The following GSE1 variants were observed in gnomAD, a reference collection of about 807,000 sequenced individuals.
GSE1 encodes genetic suppressor element 1.
A neutral mutation model predicts 112.6 loss-of-function variants in GSE1; 32 were observed. The ratio of observed to expected loss-of-function variants is 0.28; its 90% CI spans 0.21 to 0.38. GSE1 has a LOEUF of 0.38. Among genes scored for constraint, GSE1 ranks in the 10% least tolerant of loss-of-function variants. The probability of loss-of-function intolerance (pLI) is 1.00; values close to 1 mark genes in which losing one functional copy is unlikely to be tolerated. For missense variants in GSE1, 2,348 were observed against 1,699.2 expected (o/e 1.38, Z -6.71); for synonymous variants, 1,115 against 735.6 (o/e 1.52, Z -8.35).
At chr16:85,271,320 C>G (rs565836491) in intron 1 of GSE1, among the ~76,000 whole-genome samples, 136 of 152,310 alleles carry the variant, frequency 8.9e-4, no homozygotes, top group African/African-American at 3.1e-3. Flanking sequence ...CCCTCTTCCC[C>G]GCGCTCCTGC....
chr16:85,658,436 A>T (rs968093523), intron 8 of GSE1, among the ~76,000 whole-genome samples: 1 of 152,226 alleles, frequency 6.6e-6, no homozygotes, highest in African/African-American at 2.4e-5. Flanking sequence ...ATTTCTGAGC[A>T]TCTTTCCAGC....
intron 2 of GSE1, among the ~76,000 whole-genome samples, chr16:85,538,776 T>G: frequency 6.6e-6 from 1 of 152,186 alleles, no homozygotes; most frequent in East Asian, 1.9e-4. Context: ...ACTGCCGCTC[T>G]CTGGACACCC....
chr16:85,467,168 C>A (rs143319734), intron 2 of GSE1, among the ~76,000 whole-genome samples: 24 of 152,316 alleles, frequency 1.6e-4, no homozygotes, highest in African/African-American at 5.8e-4. Flanking sequence ...ATGGTGTGGG[C>A]ACCCGCGTCT....
At chr16:85,636,396 C>A (rs2050001031) in intron 2 of GSE1, among the ~76,000 whole-genome samples, 1 of 152,182 alleles carries the variant, frequency 6.6e-6, no homozygotes, top group South Asian at 2.1e-4. Context: ...CCCTCGTCGC[C>A]CCCACCCGTT....
Position 85,661,483 on chromosome 16 carries a change from G to C in GSE1, c.1978G>C (p.Gly660Arg). The C allele has an allele frequency of 1.2e-6, 2 of 1,611,730 alleles. No homozygotes were observed. The highest frequency in any genetic ancestry group is 1.7e-6 in the Non-Finnish European group (2 of 1,179,444). ...QPPPPPPREG[G>R]SLEHQPFLPG... ...ACCTCCGCCGCCACCACGAGAGGGA[G>C]GGAGCCTGGAGCACCAGCCCTTCCT... The change falls in exon 9 of 16, where the codon GGG becomes CGG. Residue 660 changes from glycine (G) to arginine (R), a missense_variant. Physicochemically the swap from Gly to Arg is moderately radical, Grantham distance 125. Coordinates refer to ENST00000253458, the MANE Select transcript of GSE1 (RefSeq NM_014615.5).
intron 2 of GSE1, among the ~76,000 whole-genome samples, chr16:85,433,627 GAT>G (rs2049174052): frequency 7.2e-6 from 1 of 139,830 alleles, no homozygotes; most frequent in Non-Finnish European, 1.5e-5. Flanking sequence ...TGGATGGATG[GAT>G]GGAGAGATGA....
At chr16:85,553,270 CGACCCCGCCGCCCCGCTTGCCAG>C (rs1404224085), upstream of GSE1, among the ~76,000 whole-genome samples, 2 of 149,242 alleles carry the variant, frequency 1.3e-5, no homozygotes, top group Admixed American at 6.6e-5. Context: ...TGCCGGACCC[CGACCCCGCCGCCCCGCTTGCCAG>C]GCCGCCGCCG....
upstream of GSE1, among the ~76,000 whole-genome samples, chr16:85,554,367 A>T (rs572993133): frequency 2.6e-5 from 4 of 152,240 alleles, no homozygotes; most frequent in Admixed American, 6.5e-5. Flanking sequence ...TGTGCAGTTG[A>T]TCGTTTTCTT....
intron 1 of GSE1, among the ~76,000 whole-genome samples, chr16:85,266,244 G>T (rs139154587): frequency 1.4e-4 from 21 of 152,320 alleles, no homozygotes; most frequent in Non-Finnish European, 2.4e-4. Context: ...GGGCGAGACT[G>T]CTGGGCATGC....
chr16:85,523,732 A>C (rs2052269211), intron 2 of GSE1, among the ~76,000 whole-genome samples: 1 of 152,196 alleles, frequency 6.6e-6, no homozygotes, highest in Non-Finnish European at 1.5e-5. Flanking sequence ...ACTGGGAGAC[A>C]CTGAGAGTCT....
chr16:85,425,300 C>CACGGGTGTTGTGAGGTGGTG (rs1555509855), intron 2 of GSE1, among the ~76,000 whole-genome samples: 1 of 32,634 alleles, frequency 3.1e-5, no homozygotes, highest in Non-Finnish European at 1.5e-4. Flanking sequence ...GGAGGGGATG[C>CACGGGTGTTGTGAGGTGGTG]ACGGGTGATG....
chr16:85,189,879 G>C (rs759684660), intron 1 of GSE1, among the ~76,000 whole-genome samples: 2 of 152,104 alleles, frequency 1.3e-5, no homozygotes, highest in Non-Finnish European at 2.9e-5. Flanking sequence ...TTTCATTCCT[G>C]ATATTGGTGC....
chr16:85,584,238 T>C (rs535193594), intron 1 of GSE1, among the ~76,000 whole-genome samples: 22 of 152,138 alleles, frequency 1.4e-4, no homozygotes, highest in African/African-American at 5.1e-4. Flanking sequence ...GGCCCCTGGC[T>C]CCCCTCTTTT....
upstream of GSE1, among the ~76,000 whole-genome samples, chr16:85,552,727 G>C (rs2044987550): frequency 6.6e-6 from 1 of 152,198 alleles, no homozygotes. Context: ...ATCTCCACAG[G>C]TGGCTCCCAG....
intron 1 of GSE1, among the ~76,000 whole-genome samples, chr16:85,306,575 G>A (rs1218933213): frequency 6.6e-6 from 1 of 152,080 alleles, no homozygotes; most frequent in African/African-American, 2.4e-5. Context: ...TTAGAGATGG[G>A]GTCTCCTCTG....
intron 1 of GSE1, among the ~76,000 whole-genome samples, chr16:85,231,060 G>A (rs1335877629): frequency 2.7e-5 from 4 of 145,808 alleles, no homozygotes; most frequent in African/African-American, 1.0e-4. Flanking sequence ...GATGATGGAT[G>A]GATAGCTGGA....
intron 2 of GSE1, among the ~76,000 whole-genome samples, chr16:85,644,343 C>CA (rs749279315): frequency 0.47 from 56,093 of 119,380 alleles, 12,258 homozygotes; most frequent in African/African-American, 0.53. Context: ...GATCCTGTCT[C>CA]AAAAAAAAAA....
Position 85,633,922 on chromosome 16 carries a change from C to T in GSE1, c.16C>T (p.His6Tyr), listed in dbSNP as rs150719571. The change falls in exon 2 of 16, where the codon CAT (histidine) becomes TAT (tyrosine). Residue 6 changes from histidine (H) to tyrosine (Y), a missense_variant. By Grantham distance (83) the His-to-Tyr change is moderately conservative. Transcript: ENST00000253458. ...TTCTTTTCCTGTTTCAGGCATGAGC[C>T]ATGAGCCCAAGTCCCCTTCGCTAGG... MKGMS[H>Y]EPKSPSLGML... 1.4e-3 allele frequency: 2,196 copies of T among 1,610,340 alleles called. 5 individuals are homozygous for T. The highest frequency in any genetic ancestry group is 1.7e-3 in the Non-Finnish European group (2,042 of 1,178,458).
At chr16:85,614,590 C>CG (rs570960401) in intron 1 of GSE1, among the ~76,000 whole-genome samples, 2 of 152,224 alleles carry the variant, frequency 1.3e-5, no homozygotes, top group South Asian at 2.1e-4. Flanking sequence ...CGTGGTGGGC[C>CG]GGGGGCCTGG....
Sources: allele counts gnomAD v4.1 joint callset (sites outside exome capture counted in the v4.1 genomes callset), GRCh38; gene constraint gnomAD v4.1.1; transcripts MANE v1.5; gene names NCBI Gene and HGNC (gene_info 2026-07-23, HGNC 2026-07-21).